FGGY: variants seen among roughly 807,000 people sequenced by gnomAD.
The protein encoded by FGGY is FGGY carbohydrate kinase domain-containing protein.
In FGGY, 72 loss-of-function variants were observed where a neutral mutation model predicts 71.3. That is an observed-to-expected ratio of 1.01 (90% CI 0.84 to 1.23). The LOEUF (loss-of-function observed/expected upper bound fraction) is 1.23, where lower values mean the gene tolerates loss of function less well. FGGY is among the 50% of genes most tolerant of loss of function. The pLI is 0.00. For missense variants in FGGY, 668 were observed against 682.3 expected (o/e 0.98, Z 0.23); for synonymous variants, 251 against 250.3 (o/e 1.00, Z -0.02).
chr1:59,403,789 C>T (rs1457787564), intron 5 of FGGY, among the ~76,000 whole-genome samples: 2 of 152,220 alleles, frequency 1.3e-5, no homozygotes, highest in African/African-American at 4.8e-5. Context: ...GATGTGGGCT[C>T]TGGAGCCAGA....
intron 5 of FGGY, among the ~76,000 whole-genome samples, chr1:59,387,617 A>C (rs1243389573): frequency 6.6e-6 from 1 of 152,176 alleles, no homozygotes; most frequent in Non-Finnish European, 1.5e-5. Context: ...AATTTCCAGA[A>C]AAATTTAAAC....
intron 1 of FGGY, chr1:59,310,196 G>A (rs949397619): frequency 7.2e-5 from 11 of 152,190 alleles, no homozygotes; most frequent in African/African-American, 2.7e-4. Context: ...TTCTTTCGTT[G>A]TTTTAATTTG....
intron 7 of FGGY, among the ~76,000 whole-genome samples, chr1:59,537,434 A>G (rs1156368615): frequency 6.6e-6 from 1 of 152,210 alleles, no homozygotes; most frequent in Non-Finnish European, 1.5e-5. Context: ...AAGGTAATTT[A>G]CAGATTCAAT....
intron 6 of FGGY, among the ~76,000 whole-genome samples, chr1:59,490,732 G>A (rs1326216822): frequency 6.6e-6 from 1 of 151,952 alleles, no homozygotes; most frequent in Non-Finnish European, 1.5e-5. Context: ...TCATTCTTCT[G>A]CACATAGATA....
chr1:59,644,605 C>A (rs767568221), intron 11 of FGGY, among the ~76,000 whole-genome samples: 1 of 151,934 alleles, frequency 6.6e-6, no homozygotes. Flanking sequence ...TCATTAAAAA[C>A]AAGACAGACA....
intron 14 of FGGY, among the ~76,000 whole-genome samples, chr1:59,754,380 CTT>C (rs138681831): frequency 6.7e-6 from 1 of 148,200 alleles, no homozygotes; most frequent in African/African-American, 2.5e-5. Context: ...GAATCCTTTC[CTT>C]TTTTTTTTGT....
intron 7 of FGGY, among the ~76,000 whole-genome samples, chr1:59,516,902 T>G (rs2094669711): frequency 1.3e-5 from 2 of 152,084 alleles, no homozygotes; most frequent in Non-Finnish European, 2.9e-5. Flanking sequence ...AAGGGAGGCC[T>G]GGGATGGGAG....
intron 13 of FGGY, 114 bp downstream of exon 13, chr1:59,667,517 G>T: frequency 4.8e-6 from 6 of 1,260,616 alleles, no homozygotes; most frequent in Non-Finnish European, 6.6e-6. Flanking sequence ...CAGATTATTA[G>T]AATAATCCTG....
At chr1:59,442,037 GT>G (rs1345489261) in intron 5 of FGGY, among the ~76,000 whole-genome samples, 33 of 152,150 alleles carry the variant, frequency 2.2e-4, no homozygotes, top group African/African-American at 7.7e-4. Context: ...CTCTTCCTCT[GT>G]TGTTCCTCTT....
At chr1:59,504,132 A>G (rs781384514) in intron 6 of FGGY, among the ~76,000 whole-genome samples, 6 of 152,084 alleles carry the variant, frequency 3.9e-5, no homozygotes, top group Non-Finnish European at 8.8e-5. Context: ...GGGTTTGGAG[A>G]GCTTTTTGAT....
intron 10 of FGGY, among the ~76,000 whole-genome samples, chr1:59,634,485 A>G (rs2096937475): frequency 1.3e-5 from 2 of 152,196 alleles, no homozygotes; most frequent in Admixed American, 6.5e-5. Context: ...TCTTGTTGGT[A>G]GAAAAGGCAC....
At chr1:59,652,148 G>A (rs1357645855) in intron 11 of FGGY, among the ~76,000 whole-genome samples, 1 of 152,086 alleles carries the variant, frequency 6.6e-6, no homozygotes, top group Non-Finnish European at 1.5e-5. Context: ...GCTTCCCTTT[G>A]AGGGTAACCC....
intron 7 of FGGY, among the ~76,000 whole-genome samples, chr1:59,539,189 G>T (rs1270045381): frequency 1.3e-5 from 2 of 152,172 alleles, no homozygotes; most frequent in Admixed American, 6.5e-5. Flanking sequence ...AAATGTGACA[G>T]TTTCTTCCCG....
chr1:59,758,516 G>C (rs560611098), intron 15 of FGGY, among the ~76,000 whole-genome samples: 1 of 152,294 alleles, frequency 6.6e-6, no homozygotes, highest in South Asian at 2.1e-4. Context: ...AGAACAACGG[G>C]ATAAGTTCCA....
At chr1:59,623,505 C>T (rs2096829609) in intron 9 of FGGY, among the ~76,000 whole-genome samples, 1 of 152,182 alleles carries the variant, frequency 6.6e-6, no homozygotes, top group South Asian at 2.1e-4. Flanking sequence ...GTTCACTCAT[C>T]CCACATTTAT....
chr1:59,393,855 A>G (rs944253394), intron 5 of FGGY, among the ~76,000 whole-genome samples: 2 of 151,880 alleles, frequency 1.3e-5, no homozygotes, highest in African/African-American at 2.4e-5. Flanking sequence ...TTGGCCCCCA[A>G]CCCCCTCCCA....
chr1:59,745,189 C>T (rs376866953), intron 14 of FGGY, among the ~76,000 whole-genome samples: 7 of 152,118 alleles, frequency 4.6e-5, no homozygotes, highest in Non-Finnish European at 7.3e-5. Context: ...GTTTCTGTAT[C>T]GTAAACAGTC....
rs756070316 is a variant in FGGY at position 59,638,226 on chromosome 1, A to C, written c.1074-2A>C. ...TAAAAATAAAATTCACTTCTCTTCC[A>C]GATGCCAGAGTATATATGCATATTT... On this transcript the variant is annotated splice_acceptor_variant, in intron 10 of 15. Transcript: ENST00000303721. LOFTEE classifies it high-confidence loss of function. 2.5e-6 allele frequency: 4 copies of C among 1,612,064 alleles called. No homozygotes were observed. The highest frequency in any genetic ancestry group is 3.4e-6 in the Non-Finnish European group (4 of 1,179,142).
chr1:59,623,763 A>G (rs1300187585), intron 9 of FGGY, among the ~76,000 whole-genome samples: 4 of 152,144 alleles, frequency 2.6e-5, no homozygotes, highest in African/African-American at 9.7e-5. Flanking sequence ...GCTGCTATGC[A>G]TCATAACTAT....
Sources: allele counts gnomAD v4.1 joint callset (sites outside exome capture counted in the v4.1 genomes callset), GRCh38; gene constraint gnomAD v4.1.1; transcripts MANE v1.5; gene names NCBI Gene and HGNC (gene_info 2026-07-23, HGNC 2026-07-21).